Variants in EIF2B4 observed in about 807,000 individuals in gnomAD.
EIF2B4 encodes eukaryotic translation initiation factor 2B subunit delta.
A neutral mutation model predicts 66.7 loss-of-function variants in EIF2B4; 34 were observed. The ratio of observed to expected loss-of-function variants is 0.51; its 90% CI spans 0.39 to 0.68. EIF2B4 has a LOEUF of 0.68. Ranked by LOEUF, EIF2B4 falls within the 30% of genes least tolerant of loss-of-function variation. The pLI, the probability that EIF2B4 is intolerant of heterozygous loss-of-function variation, is 0.00. For missense variants in EIF2B4, 618 were observed against 657.9 expected (o/e 0.94, Z 0.66); for synonymous variants, 278 against 253.6 (o/e 1.10, Z -0.92).
intron 9 of EIF2B4, 81 bp from the exon 10 acceptor site, chr2:27,367,282 G>A: frequency 5.0e-6 from 8 of 1,601,126 alleles, no homozygotes; most frequent in Non-Finnish European, 6.8e-6. Context: ...TTGAATATGT[G>A]TATGATGACA....
Position 27,366,552 on chromosome 2 carries a change from C to G in EIF2B4, c.1191+207G>C, listed in dbSNP as rs1356922243. ...AAAACTAGCTGGGCATGGTGGCACA[C>G]ACCAGTAGTCCCAGCTACTCAGAGG... On this transcript the variant is annotated intron_variant, in intron 11 of 12. Coordinates refer to ENST00000347454, the MANE Select transcript of EIF2B4 (RefSeq NM_001034116.2). 19 of 643,402 alleles carry G rather than the reference C, an allele frequency of 3.0e-5. No homozygotes were observed. In the Admixed American group the frequency reaches 3.1e-4, roughly 10 times the overall value. 39.9% of individuals were successfully genotyped at this position (643,402 alleles called of 1,614,324 possible). A position where few individuals can be genotyped will look rare whatever the true frequency, so the allele number is the denominator to read the frequency against.
chr2:27,369,267 C>A, intron 3 of EIF2B4, 55 bp from the exon 4 acceptor site: 1 of 1,605,702 alleles, frequency 6.2e-7, no homozygotes, highest in Non-Finnish European at 8.5e-7. Flanking sequence ...TATCCGTGCC[C>A]CAGCTAAAAC....
rs757134177 is a variant in EIF2B4 at position 27,369,018 on chromosome 2, C to T, written c.406G>A (p.Glu136Lys). ...PPKASPSTAG[E>K]TPSGVKRLPE... ...GAAGGGAAGATACCTGAGGGGGTTT[C>T]TCCAGCTGTGCTGGGGCTGGCCTTA... Residue 136 changes from glutamate (E) to lysine (K), a missense_variant, in exon 4 of 13, where the codon GAA (glutamate) becomes AAA (lysine). Physicochemically the swap from Glu to Lys is moderately conservative, Grantham distance 56. Transcript: ENST00000347454. 1.9e-6 allele frequency: 3 copies of T among 1,613,392 alleles called. No homozygotes were observed. The highest frequency in any genetic ancestry group is 2.2e-5 in the South Asian group (2 of 91,062).
chr2:27,364,986 G>A (rs912901192), intron 11 of EIF2B4, 88 bp from the exon 12 acceptor site: 44 of 1,316,668 alleles, frequency 3.3e-5, no homozygotes, highest in Non-Finnish European at 4.4e-5. Context: ...GCAACATTAA[G>A]ACAAGTAATA....
rs1433685191 is a variant in EIF2B4 at position 27,369,062 on chromosome 2, T to C, written c.362A>G (p.Glu121Gly). 1 of 1,614,056 alleles carries C rather than the reference T, an allele frequency of 6.2e-7. No individual in the cohort carries two copies. Among genetic ancestry groups the C allele is most frequent in the African/African-American group, 1.3e-5 (1 of 74,904 alleles). ...GGCCTTAGGAGGTGGTCCTCCTTGT[T>C]CCCCTTTTCTTGCCTGTTTCAGGGC... is the stretch of plus-strand genomic sequence containing the variant. ...ERALKQARKG[E>G]QGGPPPKASP... The change falls in exon 4 of 13, where the codon GAA (glutamate) becomes GGA (glycine). Residue 121 changes from glutamate to glycine, a missense_variant. Glu to Gly is a moderately conservative substitution (Grantham distance 98). Transcript: ENST00000347454.
intron 3 of EIF2B4, 21 bp downstream of exon 3, chr2:27,369,393 T>A: frequency 1.2e-6 from 2 of 1,613,870 alleles, no homozygotes; most frequent in Non-Finnish European, 1.7e-6. Flanking sequence ...CCCAGCCCTT[T>A]AAAAGAGACC....
intron 3 of EIF2B4, 57 bp from the exon 4 acceptor site, chr2:27,369,269 A>C: frequency 6.2e-7 from 1 of 1,603,460 alleles, no homozygotes; most frequent in Non-Finnish European, 8.5e-7. Flanking sequence ...TCCGTGCCCC[A>C]GCTAAAACTA....
rs767457541 is a variant in EIF2B4 at position 27,367,830 on chromosome 2, G to A, written c.706-8C>T. ...TGTGTAATCCTGAATCACCTATAGG[G>A]TACACAAGGTGATCTGCAAAATACC... On this transcript the variant is annotated splice_region_variant and splice_polypyrimidine_tract_variant and intron_variant, in intron 7 of 12. Transcript: ENST00000347454. 2 of 1,612,348 alleles carry A rather than the reference G, an allele frequency of 1.2e-6. No homozygotes were observed. Among genetic ancestry groups the A allele is most frequent in the African/African-American group, 1.3e-5 (1 of 74,844 alleles).
In EIF2B4 at chr2:27,366,750, T is replaced by C. The variant is rs1558634697; in HGVS notation, c.1191+9A>G. On this transcript the variant is annotated intron_variant, in intron 11 of 12. Coordinates refer to ENST00000347454, the MANE Select transcript of EIF2B4 (RefSeq NM_001034116.2). Reference sequence around the variant, plus strand: ...CGCCAACTTTGGAGTCCTTTTCCTCTGTACTTACCTCTGGGAGCACATAGG... The same window carrying C: ...CGCCAACTTTGGAGTCCTTTTCCTCCGTACTTACCTCTGGGAGCACATAGG... 2.5e-6 allele frequency: 4 copies of C among 1,614,216 alleles called. No homozygotes were observed. In the East Asian group the frequency reaches 6.7e-5, roughly 27 times the overall value.
At chr2:27,367,858 T>G (rs1307939531) in intron 7 of EIF2B4, 36 bp from the exon 8 acceptor site, 11 of 1,593,504 alleles carry the variant, frequency 6.9e-6, no homozygotes, top group Middle Eastern at 3.3e-4. Context: ...AAAATACCCC[T>G]TAATAAAGAT....
rs182331835 is a variant in EIF2B4 at position 27,367,530 on chromosome 2, G to A, written c.812C>T (p.Ala271Val). 3.6e-5 allele frequency: 58 copies of A among 1,614,012 alleles called. No homozygotes were observed. The East Asian group carries it at 9.8e-4, about 27-fold the overall frequency. Residue 271 changes from alanine to valine, a missense_variant, in exon 9 of 13, where the codon GCG (alanine) becomes GTG (valine). Physicochemically the swap from Ala to Val is moderately conservative, Grantham distance 64 (BLOSUM62 0). Around this residue, in one of 4 missense-constraint regions of EIF2B4, gnomAD observed 506 missense variants for 511.9 expected, o/e 0.99. Coordinates refer to ENST00000347454, the MANE Select transcript of EIF2B4 (RefSeq NM_001034116.2). The part of the protein sequence containing the change: ...SFLTQCRPLS[A>V]SMHNAIKFLN... The stretch of plus-strand genomic sequence containing the variant: ...GAACTTGATGGCGTTGTGCATGCTC[G>A]CTGACAGGGGACGGCACTGAGTCAG...
chr2:27,366,215 G>GGTGTGTGTGTGTGT (rs56053133), intron 11 of EIF2B4: 1 of 102,516 alleles, frequency 9.8e-6, no homozygotes, highest in African/African-American at 4.2e-5. Context: ...GGTGGGGTGG[G>GGTGTGTGTGTGTGT]GTGTGTGTGT....
At chr2:27,365,320 C>T (rs1681765453) in intron 11 of EIF2B4, among the ~76,000 whole-genome samples, 1 of 151,684 alleles carries the variant, frequency 6.6e-6, no homozygotes, top group Non-Finnish European at 1.5e-5. Context: ...CCCGCCTCAG[C>T]CACCCAAAGT....
chr2:27,366,042 G>T (rs192552165), intron 11 of EIF2B4: 1 of 151,002 alleles, frequency 6.6e-6, no homozygotes, highest in East Asian at 2.0e-4. Context: ...GCCCGGGTGT[G>T]TGTGTGTGTG....
Position 27,368,479 on chromosome 2 carries a change from G to C in EIF2B4, c.499-16C>G, listed in dbSNP as rs370123021. The C allele has an allele frequency of 4.2e-5, 67 of 1,606,740 alleles. 1 individual carries two copies. Among genetic ancestry groups the C allele is most frequent in the Non-Finnish European group, 4.7e-5 (55 of 1,173,478 alleles). ...GTGTAGGAACCTTGACAAAACAAGG[G>C]AACAGGACCAATGGCCCAGAGTTTA... On this transcript the variant is annotated splice_polypyrimidine_tract_variant and intron_variant, in intron 5 of 12. Transcript: ENST00000347454.
Position 27,364,486 on chromosome 2 carries a change from G to T in EIF2B4, c.1486C>A (p.Leu496Ile). The T allele has an allele frequency of 6.2e-7, 1 of 1,614,210 alleles. No individual in the cohort carries two copies. The highest frequency in any genetic ancestry group is 8.5e-7 in the Non-Finnish European group (1 of 1,180,046). Reference sequence around the variant, plus strand: ...AGCTCCGTGATCACCAGATCCACAAGCTCTGGGGGAGTCACATCATAGACT... The same window carrying T: ...AGCTCCGTGATCACCAGATCCACAATCTCTGGGGGAGTCACATCATAGACT... ...NLVYDVTPPE[L>I]VDLVITELGM... Residue 496 changes from leucine to isoleucine, a missense_variant, in exon 13 of 13, where the codon CTT (leucine) becomes ATT (isoleucine). Physicochemically the swap from Leu to Ile is conservative, Grantham distance 5. Coordinates refer to ENST00000347454, the MANE Select transcript of EIF2B4 (RefSeq NM_001034116.2).
chr2:27,364,676 A>T, intron 12 of EIF2B4, 42 bp downstream of exon 12: 1 of 1,614,132 alleles, frequency 6.2e-7, no homozygotes, highest in East Asian at 2.2e-5. Context: ...CTCCCTCTCA[A>T]GTCTTCACAG....
intron 2 of EIF2B4, 38 bp from the exon 3 acceptor site, chr2:27,369,587 A>T (rs1481948987): frequency 9.9e-6 from 16 of 1,613,530 alleles, no homozygotes; most frequent in Non-Finnish European, 1.4e-5. Context: ...TTCCCCAACA[A>T]TTCCAAAGGG....
At chr2:27,370,114 C>G in intron 1 of EIF2B4, 170 bp downstream of exon 1, 2 of 1,517,966 alleles carry the variant, frequency 1.3e-6, no homozygotes, top group Non-Finnish European at 1.8e-6. Flanking sequence ...ACCCTCCTCA[C>G]AGCAACCAGC....
Sources: gnomAD v4.1 joint callset for allele counts (sites outside exome capture counted in the v4.1 genomes callset) on GRCh38, gnomAD v4.1.1 for gene constraint, gnomAD v4.1.1 regional missense constraint, MANE v1.5 for transcripts, NCBI Gene and HGNC (gene_info 2026-07-23, HGNC 2026-07-21) for gene names.